The following SMARCA5 variants were observed in gnomAD, a reference collection of about 807,000 sequenced individuals.
SMARCA5 encodes the protein SNF2 related chromatin remodeling ATPase 5, also known as SWI/SNF-related matrix-associated actin-dependent regulator of chromatin subfamily A member 5.
SMARCA5 carries 18 observed loss-of-function variants against 140.4 expected under a neutral mutation model. The observed-to-expected ratio is 0.13, with a 90% confidence interval of 0.09 to 0.19. SMARCA5 has a LOEUF of 0.19. SMARCA5 is among the 10% of genes least tolerant of loss of function. SMARCA5 has a pLI of 1.00. For missense variants in SMARCA5, 606 were observed against 1,276.8 expected, an observed-to-expected ratio of 0.47 and a Z score of 8.01; for synonymous variants, 449 against 419.6, an observed-to-expected ratio of 1.07 and a Z score of -0.86.
At chr4:143,542,291 C>T (rs1468590169) in intron 14 of SMARCA5, among the ~76,000 whole-genome samples, 1 of 152,046 alleles carries the variant, frequency 6.6e-6, no homozygotes, top group Non-Finnish European at 1.5e-5. Context: ...TTTCTTGTGC[C>T]GTTTGTAGAC....
Position 143,556,558 on chromosome 4 carries a change from A to C in SMARCA5, c.*3374A>C, listed in dbSNP as rs572823224. On this transcript the variant is annotated 3_prime_UTR_variant, in exon 24 of 24. Transcript: ENST00000283131. ...CACAAGGTGGATTGATGAACTCATA[A>C]ATCCAAATGAATGGAATGCTAGAAG... 6.6e-6 allele frequency: 1 copy of C among 152,342 alleles called. No homozygotes were observed. The highest frequency in any genetic ancestry group is 6.5e-5 in the Admixed American group (1 of 15,308). The allele number at this position is 152,342 out of a possible 1,614,324, so 9.4% of individuals were successfully genotyped here. A position where few individuals can be genotyped will look rare whatever the true frequency, so the allele number is the denominator to read the frequency against.
chr4:143,543,609 G>C lies in SMARCA5; in HGVS notation c.2004G>C (p.Glu668Asp). Residue 668 changes from glutamate (E) to aspartate (D), a missense_variant, in exon 15 of 24, where the codon GAG (glutamate) becomes GAC (aspartate). By Grantham distance (45) the Glu-to-Asp change is conservative. Around this residue, in one of 10 missense-constraint regions of SMARCA5, gnomAD observed 62 missense variants for 256.6 expected, o/e 0.24. Coordinates refer to ENST00000283131, the MANE Select transcript of SMARCA5 (RefSeq NM_003601.4). ...ATGTGTTTGCTTCAAAGGAAAGTGA[G>C]ATCACTGATGAAGATATCGATGGTA... ...ATHVFASKES[E>D]ITDEDIDGIL... 1 of 1,613,150 alleles carries C rather than the reference G, an allele frequency of 6.2e-7. No individual in the cohort carries two copies. The highest frequency in any genetic ancestry group is 8.5e-7 in the Non-Finnish European group (1 of 1,179,370).
At chr4:143,530,053 T>G (rs576241284) in intron 8 of SMARCA5, among the ~76,000 whole-genome samples, 2 of 152,332 alleles carry the variant, frequency 1.3e-5, no homozygotes, top group African/African-American at 4.8e-5. Flanking sequence ...TTTAGTAAGT[T>G]TGATTAAAAT....
intron 3 of SMARCA5, 152 bp downstream of exon 3, chr4:143,521,747 G>T (rs1048018957): frequency 2.8e-6 from 2 of 702,188 alleles, no homozygotes; most frequent in Non-Finnish European, 4.6e-6. Context: ...AGCCATAAAT[G>T]TATAAGTATA....
chr4:143,555,567 G>GT lies in SMARCA5; in HGVS notation c.*2384dup. ...AATCTGATCATGATACTGAATAAAT[G>GT]TCTTTTTTTTTTTTTAACAACAAAG... On this transcript the variant is annotated 3_prime_UTR_variant, in exon 24 of 24. Transcript: ENST00000283131. The GT allele has an allele frequency of 6.7e-6, 2 of 298,696 alleles. No individual in the cohort carries two copies. The highest frequency in any genetic ancestry group is 1.3e-5 in the Non-Finnish European group (2 of 156,928). 18.5% of individuals were successfully genotyped at this position (298,696 alleles called of 1,614,324 possible).
rs143929374 is a variant in SMARCA5, at chr4:143,547,375, A to T, written c.2654-10A>T. 1.6e-4 allele frequency: 233 copies of T among 1,432,364 alleles called. No individual in the cohort carries two copies. The African/African-American group carries it at 2.9e-3, about 18-fold the overall frequency. The allele number at this position is 1,432,364 out of a possible 1,614,324, so 88.7% of individuals were successfully genotyped here. On this transcript the variant is annotated splice_polypyrimidine_tract_variant and intron_variant, in intron 20 of 23. Coordinates refer to ENST00000283131, the MANE Select transcript of SMARCA5 (RefSeq NM_003601.4). Reference sequence around the variant, plus strand: ...ATAAATGATTTGTTTACTTTGTCCAACTTTTACAGCTGTGTTTTGGGAAAG... The same window carrying T: ...ATAAATGATTTGTTTACTTTGTCCATCTTTTACAGCTGTGTTTTGGGAAAG...
At chr4:143,536,949 T>C (rs770317745) in intron 11 of SMARCA5, among the ~76,000 whole-genome samples, 2 of 152,200 alleles carry the variant, frequency 1.3e-5, no homozygotes, top group Non-Finnish European at 2.9e-5. Flanking sequence ...AATTATAGCT[T>C]TCTGTCATAA....
At chr4:143,527,820 T>C (rs1737105683) in intron 6 of SMARCA5, 48 bp from the exon 7 acceptor site, 1 of 1,494,502 alleles carries the variant, frequency 6.7e-7, no homozygotes, top group Admixed American at 2.2e-5. Flanking sequence ...GTAAATGTAA[T>C]GCGTAGTTTA....
At chr4:143,535,756 A>G (rs1179776036) in intron 10 of SMARCA5, among the ~76,000 whole-genome samples, 3 of 152,178 alleles carry the variant, frequency 2.0e-5, no homozygotes, top group African/African-American at 4.8e-5. Context: ...TGCCTAGGCT[A>G]CTTACTTTGT....
At chr4:143,550,717 T>G (rs1353028649) in intron 23 of SMARCA5, among the ~76,000 whole-genome samples, 1 of 152,084 alleles carries the variant, frequency 6.6e-6, no homozygotes, top group Non-Finnish European at 1.5e-5. Flanking sequence ...CTTATTTCAC[T>G]TAATAAACTC....
chr4:143,540,917 G>C (rs1324700864), intron 14 of SMARCA5, among the ~76,000 whole-genome samples: 1 of 152,170 alleles, frequency 6.6e-6, no homozygotes, highest in Non-Finnish European at 1.5e-5. Context: ...CAAAGAGCCT[G>C]ATTTTATTCT....
intron 3 of SMARCA5, 109 bp downstream of exon 3, chr4:143,521,704 A>G (rs1237885469): frequency 1.4e-5 from 14 of 990,482 alleles, no homozygotes; most frequent in Admixed American, 2.9e-5. Flanking sequence ...TAGTGCCATT[A>G]TTTATTTGGC....
intron 9 of SMARCA5, among the ~76,000 whole-genome samples, 162 bp downstream of exon 9, chr4:143,530,688 G>C (rs1289936962): frequency 1.3e-5 from 2 of 152,120 alleles, no homozygotes; most frequent in Non-Finnish European, 2.9e-5. Context: ...TCAGTGTAGG[G>C]GGTGATGTGT....
chr4:143,518,073 C>T (rs1439679108), intron 2 of SMARCA5, among the ~76,000 whole-genome samples: 2 of 152,056 alleles, frequency 1.3e-5, no homozygotes, highest in Admixed American at 6.5e-5. Flanking sequence ...GTTTATTCTG[C>T]ACTTGACTAG....
In SMARCA5 at chr4:143,554,975, C is replaced by T. The variant is rs574279671; in HGVS notation, c.*1791C>T. 4.0e-5 allele frequency: 18 copies of T among 451,212 alleles called. No homozygotes were observed. In the East Asian group the frequency reaches 9.0e-4, roughly 23 times the overall value. 28.0% of individuals were successfully genotyped at this position (451,212 alleles called of 1,614,324 possible). A position where few individuals can be genotyped will look rare whatever the true frequency, so the allele number is the denominator to read the frequency against. On this transcript the variant is annotated 3_prime_UTR_variant, in exon 24 of 24. Transcript: ENST00000283131. ...AAAAAAAGCATGAACCAGCTAGGCC[C>T]TGCCACCACTGTGTTTGGCCAAGTT...
At chr4:143,541,562 C>T (rs563743797) in intron 14 of SMARCA5, among the ~76,000 whole-genome samples, 43 of 152,292 alleles carry the variant, frequency 2.8e-4, no homozygotes, top group Middle Eastern at 3.4e-3. Context: ...ATTTCATTTT[C>T]TCCTTTAGTC....
intron 4 of SMARCA5, among the ~76,000 whole-genome samples, chr4:143,524,909 T>TA (rs1737036337): frequency 6.6e-6 from 1 of 152,136 alleles, no homozygotes; most frequent in African/African-American, 2.4e-5. Context: ...GTGTACATAT[T>TA]AAAAAAGAAA....
intron 9 of SMARCA5, among the ~76,000 whole-genome samples, chr4:143,532,629 C>T (rs1737213724): frequency 1.3e-5 from 2 of 152,128 alleles, no homozygotes; most frequent in Non-Finnish European, 2.9e-5. Flanking sequence ...TGAGATAACT[C>T]TTATTTGATG....
chr4:143,525,905 T>A (rs187013242), intron 5 of SMARCA5, among the ~76,000 whole-genome samples: 11 of 152,346 alleles, frequency 7.2e-5, no homozygotes, highest in Admixed American at 7.2e-4. Context: ...TTAGAAAACA[T>A]TTATCTTTTG....
Sources: gnomAD v4.1 joint callset for allele counts (sites outside exome capture counted in the v4.1 genomes callset) on GRCh38, gnomAD v4.1.1 for gene constraint, gnomAD v4.1.1 regional missense constraint, MANE v1.5 for transcripts, NCBI Gene and HGNC (gene_info 2026-07-23, HGNC 2026-07-21) for gene names.